SOS1: variants seen among roughly 807,000 people sequenced by gnomAD.
SOS1 encodes SOS Ras/Rac guanine nucleotide exchange factor 1, also known as son of sevenless homolog 1.
SOS1 carries 25 observed loss-of-function variants against 157.6 expected under a neutral mutation model. The ratio of observed to expected loss-of-function variants is 0.16; its 90% CI spans 0.12 to 0.22. The LOEUF (loss-of-function observed/expected upper bound fraction) is 0.22, where lower values mean the gene tolerates loss of function less well. SOS1 is among the 10% of genes least tolerant of loss of function. SOS1 has a pLI of 1.00. For missense variants in SOS1, 1,237 were observed against 1,599.1 expected, an observed-to-expected ratio of 0.77 and a Z score of 3.86; for synonymous variants, 528 against 534.0, an observed-to-expected ratio of 0.99 and a Z score of 0.16.
rs557328600 is a variant in SOS1, at chr2:39,012,204, A to C, written c.2312T>G (p.Ile771Arg). ...VEWHISRPGH[I>R]ETFDLLTLHP... ...TAAGGTGAGCAGGTCAAAAGTCTCT[A>C]TGTGCCCAGGTCTGCTTATATGCCA... Residue 771 changes from isoleucine (I) to arginine (R), a missense_variant, in exon 14 of 23, where the codon ATA becomes AGA. Physicochemically the swap from Ile to Arg is moderately conservative, Grantham distance 97. Transcript: ENST00000402219. 1.2e-6 allele frequency: 2 copies of C among 1,613,842 alleles called. No individual in the cohort carries two copies. Among genetic ancestry groups the C allele is most frequent in the African/African-American group, 1.3e-5 (1 of 75,014 alleles).
chr2:38,994,548 C>T (rs1668832642), intron 20 of SOS1, among the ~76,000 whole-genome samples: 1 of 152,136 alleles, frequency 6.6e-6, no homozygotes, highest in Non-Finnish European at 1.5e-5. Context: ...GTTAAGTATC[C>T]TTTATCTGAA....
chr2:39,085,907 T>G (rs756864130), intron 1 of SOS1, among the ~76,000 whole-genome samples: 34 of 152,198 alleles, frequency 2.2e-4, no homozygotes, highest in Non-Finnish European at 4.6e-4. Flanking sequence ...ACAAATAATT[T>G]ATTTAAACAT....
intron 6 of SOS1, among the ~76,000 whole-genome samples, chr2:39,043,937 A>C (rs1264685624): frequency 6.6e-6 from 1 of 152,220 alleles, no homozygotes; most frequent in Non-Finnish European, 1.5e-5. Context: ...GTTGAAATAC[A>C]CTTTTGACTA....
chr2:39,080,090 T>A (rs766580727), intron 1 of SOS1, among the ~76,000 whole-genome samples: 1 of 152,016 alleles, frequency 6.6e-6, no homozygotes, highest in Non-Finnish European at 1.5e-5. Flanking sequence ...TATTATTACA[T>A]TGTAATATAT....
chr2:39,114,344 C>T (rs1673563525), intron 1 of SOS1, among the ~76,000 whole-genome samples: 1 of 150,674 alleles, frequency 6.6e-6, no homozygotes, highest in African/African-American at 2.4e-5. Flanking sequence ...ACTCTTGTTG[C>T]CCAAGCTGGA....
At chr2:39,034,812 T>C (rs1219286600) in intron 8 of SOS1, 2 of 457,650 alleles carry the variant, frequency 4.4e-6, no homozygotes, top group Admixed American at 4.7e-5. Flanking sequence ...CTGGCTCCCT[T>C]ATCCTCACAC....
chr2:39,032,506 A>T (rs1670197605), intron 8 of SOS1, among the ~76,000 whole-genome samples: 1 of 152,220 alleles, frequency 6.6e-6, no homozygotes, highest in African/African-American at 2.4e-5. Context: ...TTTGCCACTC[A>T]TTTTTTAACA....
chr2:39,058,305 A>T (rs1394738003), intron 3 of SOS1, among the ~76,000 whole-genome samples: 3 of 152,008 alleles, frequency 2.0e-5, no homozygotes, highest in Non-Finnish European at 4.4e-5. Context: ...AGAGGTCTCT[A>T]CACAAAGTAC....
chr2:38,998,996 C>T (rs968810769), intron 17 of SOS1, among the ~76,000 whole-genome samples: 33 of 152,180 alleles, frequency 2.2e-4, no homozygotes, highest in African/African-American at 7.7e-4. Context: ...CTAAGCGCTA[C>T]ATACTAGGAG....
Position 38,986,219 on chromosome 2 carries a change from A to G in SOS1, c.3607T>C (p.Ser1203Pro). The stretch of plus-strand genomic sequence containing the variant: ...GGGCTTTCAGGAGGGTCTGAGATAG[A>G]GGTCCGGTCTGATATTGAATATCGT... ...SPRYSISDRT[S>P]ISDPPESPPL... Residue 1203 changes from serine (S) to proline (P), a missense_variant, in exon 23 of 23, where the codon TCT (serine) becomes CCT (proline). Around this residue, in one of 15 missense-constraint regions of SOS1, gnomAD observed 306 missense variants for 322.6 expected, o/e 0.95. Transcript: ENST00000402219. 6.2e-7 allele frequency: 1 copy of G among 1,613,884 alleles called. No homozygotes were observed.
At chr2:39,085,065 G>A (rs1358631104) in intron 1 of SOS1, among the ~76,000 whole-genome samples, 1 of 151,610 alleles carries the variant, frequency 6.6e-6, no homozygotes, top group Non-Finnish European at 1.5e-5. Flanking sequence ...TTATTTTTTT[G>A]AGACAGGGTC....
Position 38,999,213 on chromosome 2 carries a change from G to T in SOS1, c.2792-1788C>A, listed in dbSNP as rs866050679. ...AGTGTGTATAAAGGCATTGATTCAT[G>T]ATGATGAAGCTTGCTTGAAAGGCAT... On this transcript the variant is annotated intron_variant, in intron 17 of 22. Coordinates refer to ENST00000402219, the MANE Select transcript of SOS1 (RefSeq NM_005633.4). Among the ~76,000 whole-genome samples the T allele has an allele frequency of 3.3e-5, 5 of 152,344 alleles. No individual in the cohort carries two copies. In the Middle Eastern group the frequency reaches 0.014, roughly 415 times the overall value.
intron 17 of SOS1, among the ~76,000 whole-genome samples, chr2:39,003,070 A>AACAAAAC (rs1553352666): frequency 1.0e-5 from 1 of 96,262 alleles, no homozygotes; most frequent in African/African-American, 4.0e-5. Flanking sequence ...TTGTATCAAA[A>AACAAAAC]AAAAAAAAGA....
chr2:39,002,318 T>G (rs969273152), intron 17 of SOS1, among the ~76,000 whole-genome samples: 2 of 151,434 alleles, frequency 1.3e-5, no homozygotes, highest in African/African-American at 4.8e-5. Context: ...AAAGTGAAAC[T>G]GTCTTAAAAA....
At chr2:39,122,485 C>A (rs1456877026), upstream of SOS1, among the ~76,000 whole-genome samples, 6 of 148,130 alleles carry the variant, frequency 4.1e-5, no homozygotes, top group Non-Finnish European at 5.9e-5. Context: ...TACACACAGA[C>A]CGGCCGGGCG....
In SOS1 at chr2:39,088,961, A is replaced by G. The variant is rs144117584; in HGVS notation, c.88-21208T>C. On this transcript the variant is annotated intron_variant, in intron 1 of 22. Transcript: ENST00000402219. ...CAGTTTCCAATTTCTTTACATCCAT[A>G]TGGCTGTCCTTTGGTTTTCATTTTT... Among the ~76,000 whole-genome samples the G allele has an allele frequency of 1.4e-3, 211 of 152,262 alleles. 1 individual carries two copies. Among genetic ancestry groups the G allele is most frequent in the African/African-American group, 4.6e-3 (193 of 41,552 alleles).
At chr2:39,052,014 C>T (rs963318510) in intron 5 of SOS1, among the ~76,000 whole-genome samples, 12 of 152,050 alleles carry the variant, frequency 7.9e-5, no homozygotes, top group Non-Finnish European at 1.3e-4. Context: ...AAGAAGAAAA[C>T]CTATGATTTT....
At chr2:39,077,181 A>T (rs1672033841) in intron 1 of SOS1, among the ~76,000 whole-genome samples, 1 of 152,100 alleles carries the variant, frequency 6.6e-6, no homozygotes, top group Non-Finnish European at 1.5e-5. Context: ...TGTCTCTACT[A>T]AAAATACAAA....
chr2:39,078,332 A>G (rs1672084713), intron 1 of SOS1, among the ~76,000 whole-genome samples: 2 of 152,252 alleles, frequency 1.3e-5, no homozygotes, highest in African/African-American at 4.8e-5. Context: ...AGAAATGTGA[A>G]TTTTCACCCA....
Sources: allele counts gnomAD v4.1 joint callset (sites outside exome capture counted in the v4.1 genomes callset), GRCh38; gene constraint gnomAD v4.1.1; regional missense constraint gnomAD v4.1.1; transcripts MANE v1.5; gene names NCBI Gene and HGNC (gene_info 2026-07-23, HGNC 2026-07-21).